Variants in PDE3B observed in about 807,000 individuals in gnomAD.
PDE3B encodes phosphodiesterase 3B, also known as cGMP-inhibited 3',5'-cyclic phosphodiesterase 3B.
PDE3B carries 66 observed loss-of-function variants against 116.8 expected under a neutral mutation model. That is an observed-to-expected ratio of 0.56 (90% confidence interval 0.46 to 0.69). The LOEUF is 0.69. Among genes scored for constraint, PDE3B ranks in the 30% least tolerant of loss-of-function variants. The pLI, the probability that PDE3B is intolerant of heterozygous loss-of-function variation, is 0.00. For synonymous variants in PDE3B, 595 were observed against 533.6 expected, an observed-to-expected ratio of 1.12 and a Z score of -1.59; for missense variants, 1,384 against 1,368.1, an observed-to-expected ratio of 1.01 and a Z score of -0.18.
chr11:14,756,636 G>T (rs765983200), intron 1 of PDE3B, among the ~76,000 whole-genome samples: 37 of 152,230 alleles, frequency 2.4e-4, no homozygotes, highest in Admixed American at 2.0e-3. Context: ...AAGGAAAACT[G>T]CGAGTTAGAG....
intron 4 of PDE3B, 44 bp from the exon 5 acceptor site, chr11:14,803,900 T>C: frequency 9.1e-7 from 1 of 1,093,208 alleles, no homozygotes; most frequent in Non-Finnish European, 1.4e-6. Flanking sequence ...AGGTGAAACT[T>C]TTCCTGTTTT....
chr11:14,738,003 T>A (rs1423788962), intron 1 of PDE3B, among the ~76,000 whole-genome samples: 1 of 152,176 alleles, frequency 6.6e-6, no homozygotes, highest in Non-Finnish European at 1.5e-5. Flanking sequence ...CACATTTTCT[T>A]AATCCAGTCT....
At chr11:14,721,897 C>T (rs1282817248) in intron 1 of PDE3B, among the ~76,000 whole-genome samples, 2 of 130,210 alleles carry the variant, frequency 1.5e-5, no homozygotes, top group Admixed American at 8.3e-5. Context: ...GCGCAATGTG[C>T]ACATGTACCC....
chr11:14,669,169 A>T (rs1306214321), intron 1 of PDE3B, among the ~76,000 whole-genome samples: 1 of 152,198 alleles, frequency 6.6e-6, no homozygotes, highest in Admixed American at 6.5e-5. Flanking sequence ...GAGTAGCTGT[A>T]TAGAGATTCA....
At chr11:14,884,008 A>G in the PDE3B span, among the ~76,000 whole-genome samples, 7 of 152,046 alleles carry the variant, frequency 4.6e-5, no homozygotes, top group Admixed American at 6.5e-5. Flanking sequence ...TTAGAATGGC[A>G]ATCATTAAAA....
intron 1 of PDE3B, among the ~76,000 whole-genome samples, chr11:14,665,521 A>G (rs536319628): frequency 1.1e-3 from 160 of 152,278 alleles, no homozygotes; most frequent in African/African-American, 3.6e-3. Context: ...AGAAAACCCC[A>G]TTGTCTCAGC....
Position 14,795,445 on chromosome 11 carries a change from A to C in PDE3B, c.1415+6203A>C, listed in dbSNP as rs1313457948. Among the ~76,000 whole-genome samples the C allele has an allele frequency of 2.0e-5, 3 of 152,092 alleles. No individual in the cohort carries two copies. In the South Asian group the frequency reaches 6.2e-4, roughly 31 times the overall value. ...TCTGCTTGTCTTCTGCTTTCTTCGT[A>C]TTGATTTATGTAATTTCATTGAGGT... On this transcript the variant is annotated intron_variant, in intron 4 of 15. Coordinates refer to ENST00000282096, the MANE Select transcript of PDE3B (RefSeq NM_000922.4).
At chr11:14,847,795 T>A (rs1170301361) in intron 12 of PDE3B, among the ~76,000 whole-genome samples, 1 of 152,218 alleles carries the variant, frequency 6.6e-6, no homozygotes, top group Non-Finnish European at 1.5e-5. Flanking sequence ...CAGGAAGAAG[T>A]TGACTCTCTG....
chr11:14,832,867 A>G, intron 10 of PDE3B, 34 bp downstream of exon 10: 2 of 924,016 alleles, frequency 2.2e-6, no homozygotes, highest in Non-Finnish European at 3.5e-6. Flanking sequence ...TTTAAGTTCA[A>G]ATAATATGGG....
At chr11:14,895,107 G>A in the PDE3B span, among the ~76,000 whole-genome samples, 1 of 152,252 alleles carries the variant, frequency 6.6e-6, no homozygotes, top group East Asian at 1.9e-4. Flanking sequence ...GCAGTATCAA[G>A]TGAGATTCTC....
chr11:14,764,514 A>G (rs765530213), intron 1 of PDE3B, among the ~76,000 whole-genome samples: 1 of 152,116 alleles, frequency 6.6e-6, no homozygotes, highest in Non-Finnish European at 1.5e-5. Flanking sequence ...AAGCACTGCT[A>G]CATTGCTAGC....
At chr11:14,847,940 A>G (rs1459708112) in intron 12 of PDE3B, among the ~76,000 whole-genome samples, 2 of 152,182 alleles carry the variant, frequency 1.3e-5, no homozygotes, top group African/African-American at 4.8e-5. Context: ...TCCTTCTGAA[A>G]CTATTCCAAT....
chr11:14,798,080 C>T (rs536526627), intron 4 of PDE3B, among the ~76,000 whole-genome samples: 2 of 152,250 alleles, frequency 1.3e-5, no homozygotes, highest in African/African-American at 4.8e-5. Context: ...TCATAAATAG[C>T]TCTTATTATT....
chr11:14,769,091 A>G (rs1298660826), intron 1 of PDE3B, among the ~76,000 whole-genome samples: 2 of 151,440 alleles, frequency 1.3e-5, no homozygotes, highest in African/African-American at 4.8e-5. Context: ...TCCTAGAGAA[A>G]GTGACTGCAA....
intron 1 of PDE3B, among the ~76,000 whole-genome samples, chr11:14,759,548 GTTT>G (rs1212052756): frequency 3.1e-5 from 4 of 129,180 alleles, no homozygotes; most frequent in African/African-American, 2.9e-5. Flanking sequence ...ATCAGAAGTA[GTTT>G]TTTTTTTTTT....
At chr11:14,853,393 T>C (rs1847792908) in intron 12 of PDE3B, among the ~76,000 whole-genome samples, 1 of 152,240 alleles carries the variant, frequency 6.6e-6, no homozygotes, top group Admixed American at 6.5e-5. Flanking sequence ...TAAATATTTG[T>C]TGAATGTTGA....
intron 1 of PDE3B, among the ~76,000 whole-genome samples, chr11:14,757,453 C>A (rs1481312952): frequency 1.3e-5 from 2 of 151,638 alleles, no homozygotes; most frequent in Non-Finnish European, 2.9e-5. Flanking sequence ...TCCACATCCT[C>A]TCTAGCACCT....
intron 1 of PDE3B, among the ~76,000 whole-genome samples, chr11:14,751,903 A>AG (rs1441472697): frequency 2.0e-5 from 3 of 152,112 alleles, no homozygotes; most frequent in Non-Finnish European, 4.4e-5. Flanking sequence ...TAACAGGCTG[A>AG]GTGGGACATT....
intron 1 of PDE3B, among the ~76,000 whole-genome samples, chr11:14,666,306 G>C (rs1353044192): frequency 1.3e-5 from 2 of 149,926 alleles, no homozygotes; most frequent in African/African-American, 5.0e-5. Context: ...AGACTTAAAC[G>C]TTAGACCTAA....
Sources: allele counts gnomAD v4.1 joint callset (sites outside exome capture counted in the v4.1 genomes callset), GRCh38; gene constraint gnomAD v4.1.1; transcripts MANE v1.5; gene names NCBI Gene and HGNC (gene_info 2026-07-23, HGNC 2026-07-21).